Variants in HIVEP3 observed in about 807,000 individuals in gnomAD.
HIVEP3 encodes HIVEP zinc finger 3, also known as transcription factor HIVEP3.
HIVEP3 carries 49 observed loss-of-function variants against 152.8 expected under a neutral mutation model. That is an observed-to-expected ratio of 0.32 (90% CI 0.26 to 0.41). The LOEUF (loss-of-function observed/expected upper bound fraction) is 0.41. Among genes scored for constraint, HIVEP3 ranks in the 10% least tolerant of loss-of-function variants. HIVEP3 has a pLI of 1.00. For synonymous variants in HIVEP3, 1,269 were observed against 1,289.0 expected, an observed-to-expected ratio of 0.98 and a Z score of 0.33; for missense variants, 2,790 against 3,103.3, an observed-to-expected ratio of 0.90 and a Z score of 2.40.
At chr1:41,954,850 G>A (rs987333492) in intron 1 of HIVEP3, among the ~76,000 whole-genome samples, 2 of 152,172 alleles carry the variant, frequency 1.3e-5, no homozygotes, top group African/African-American at 4.8e-5. Context: ...CAGCGTTGTG[G>A]TCAGGATTAA....
At chr1:41,848,560 T>C (rs1357042425) in intron 1 of HIVEP3, 2 of 151,576 alleles carry the variant, frequency 1.3e-5, no homozygotes, top group East Asian at 3.9e-4. Flanking sequence ...CAGGACACAA[T>C]AGGAAGCGAG....
chr1:41,519,147 C>T (rs1642690848), intron 6 of HIVEP3, among the ~76,000 whole-genome samples: 1 of 152,160 alleles, frequency 6.6e-6, no homozygotes, highest in African/African-American at 2.4e-5. Context: ...TAGAGAAGTC[C>T]CATTTCTGGG....
intron 1 of HIVEP3, among the ~76,000 whole-genome samples, chr1:41,817,089 T>C (rs1056908972): frequency 3.9e-5 from 6 of 152,218 alleles, no homozygotes; most frequent in African/African-American, 1.4e-4. Context: ...ACTGAGGAAT[T>C]GCTGGTGCCC....
chr1:41,894,040 C>T (rs1421029050), intron 1 of HIVEP3, among the ~76,000 whole-genome samples: 1 of 151,784 alleles, frequency 6.6e-6, no homozygotes, highest in Non-Finnish European at 1.5e-5. Flanking sequence ...CCTGCCTCAA[C>T]CTCCTGAGTA....
At chr1:41,526,966 TCA>T (rs1333249078) in intron 5 of HIVEP3, among the ~76,000 whole-genome samples, 8 of 57,474 alleles carry the variant, frequency 1.4e-4, no homozygotes, top group African/African-American at 2.5e-4. Context: ...CCACTCATCC[TCA>T]CACTCACCTT....
At chr1:41,787,049 G>A (rs1253089900) in intron 1 of HIVEP3, among the ~76,000 whole-genome samples, 1 of 151,960 alleles carries the variant, frequency 6.6e-6, no homozygotes, top group Non-Finnish European at 1.5e-5. Context: ...ACCACACCCG[G>A]CCTACATATG....
intron 2 of HIVEP3, among the ~76,000 whole-genome samples, chr1:41,674,589 T>C (rs1459213019): frequency 6.6e-6 from 1 of 152,188 alleles, no homozygotes; most frequent in Admixed American, 6.5e-5. Flanking sequence ...TCCGTAGAGT[T>C]TGCAGTAGAT....
intron 1 of HIVEP3, among the ~76,000 whole-genome samples, chr1:41,929,136 CAGTGTTCT>C (rs1644982957): frequency 6.6e-6 from 1 of 152,140 alleles, no homozygotes; most frequent in African/African-American, 2.4e-5. Flanking sequence ...ACTATGACTG[CAGTGTTCT>C]AGGGGTGATT....
chr1:41,916,240 A>G (rs535457772), intron 1 of HIVEP3, among the ~76,000 whole-genome samples: 1 of 152,038 alleles, frequency 6.6e-6, no homozygotes, highest in Non-Finnish European at 1.5e-5. Context: ...ACTAAACACA[A>G]TGGGCGGAGA....
intron 3 of HIVEP3, among the ~76,000 whole-genome samples, chr1:41,587,419 T>C (rs1558093728): frequency 6.6e-6 from 1 of 152,188 alleles, no homozygotes; most frequent in Non-Finnish European, 1.5e-5. Flanking sequence ...AGGGTGGCCA[T>C]ATAAGATACC....
At chr1:41,531,740 GA>G (rs1643261951) in intron 5 of HIVEP3, among the ~76,000 whole-genome samples, 1 of 76,766 alleles carries the variant, frequency 1.3e-5, no homozygotes, top group African/African-American at 5.4e-5. Flanking sequence ...GGCGATAGAG[GA>G]CAGGAGAGAT....
chr1:41,842,385 A>G (rs1643313440), intron 1 of HIVEP3, among the ~76,000 whole-genome samples: 1 of 152,198 alleles, frequency 6.6e-6, no homozygotes, highest in Admixed American at 6.5e-5. Context: ...ATGTGGAGCC[A>G]GGTTTGGCAA....
At position 41,734,207 on chromosome 1, in the gene HIVEP3, C is replaced by T. The variant is rs930719531; in HGVS notation, c.-800-33212G>A. On this transcript the variant is annotated intron_variant, in intron 1 of 8. Transcript: ENST00000372583. ...TCTCTGCTGCACTGAGTGGATGGTG[C>T]CTTTGGCTTCAGAGCCCCCTGCATC... 5.9e-5 allele frequency among the ~76,000 whole-genome samples: 9 copies of T among 152,324 alleles called. 1 individual carries two copies. In the East Asian group the frequency reaches 7.7e-4, roughly 13 times the overall value.
At chr1:41,925,334 G>T (rs1174876135) in intron 1 of HIVEP3, among the ~76,000 whole-genome samples, 1 of 152,110 alleles carries the variant, frequency 6.6e-6, no homozygotes, top group African/African-American at 2.4e-5. Context: ...GGAAGCCTTA[G>T]TGATACCATA....
rs149842485 is a variant in HIVEP3, at chr1:41,946,729, G to A, written n.120-28205C>T. The stretch of plus-strand genomic sequence containing the variant: ...CAATATGGACAAGCAAAGAATGCCC[G>A]TCCTGTTCAAGTTAAACTAAAGGAT... On this transcript the variant is annotated intron_variant and non_coding_transcript_variant, in intron 1 of 3. Coordinates refer to the HIVEP3 transcript ENST00000489103. 4.8e-3 allele frequency among the ~76,000 whole-genome samples: 723 copies of A among 152,176 alleles called. 5 individuals carry two copies. The highest frequency in any genetic ancestry group is 6.9e-3 in the Non-Finnish European group (468 of 68,016).
intron 5 of HIVEP3, among the ~76,000 whole-genome samples, chr1:41,557,903 G>A (rs951100177): frequency 6.6e-6 from 1 of 152,172 alleles, no homozygotes; most frequent in Non-Finnish European, 1.5e-5. Flanking sequence ...ACCCAGCGAG[G>A]GCTCCTCACT....
At chr1:41,959,245 G>A (rs910196654) in intron 1 of HIVEP3, among the ~76,000 whole-genome samples, 1 of 152,188 alleles carries the variant, frequency 6.6e-6, no homozygotes, top group Non-Finnish European at 1.5e-5. Context: ...CTGGCTTGAT[G>A]GTGACAAGTT....
At chr1:41,844,519 G>A (rs958150561) in intron 1 of HIVEP3, among the ~76,000 whole-genome samples, 3 of 152,204 alleles carry the variant, frequency 2.0e-5, no homozygotes, top group Admixed American at 6.5e-5. Context: ...TGCTCGCAGG[G>A]TCACAGGGCT....
At chr1:41,926,987 T>C (rs1400672005) in intron 1 of HIVEP3, among the ~76,000 whole-genome samples, 1 of 152,166 alleles carries the variant, frequency 6.6e-6, no homozygotes. Context: ...GAGACTCTGC[T>C]CAGCTACCAG....
Sources: gnomAD v4.1 joint callset for allele counts (sites outside exome capture counted in the v4.1 genomes callset) on GRCh38, gnomAD v4.1.1 for gene constraint, MANE v1.5 for transcripts, NCBI Gene and HGNC (gene_info 2026-07-23, HGNC 2026-07-21) for gene names.